Variants in MCC observed in about 807,000 individuals in gnomAD.
MCC encodes MCC regulator of Wnt signaling pathway, also known as colorectal mutant cancer protein.
MCC carries 90 observed loss-of-function variants against 116.2 expected under a neutral mutation model. The observed-to-expected ratio is 0.77, with a 90% confidence interval of 0.65 to 0.92. The LOEUF is 0.92. Among genes scored for constraint, MCC ranks in the 40% least tolerant of loss-of-function variants. MCC has a pLI of 0.00. For missense variants in MCC, 1,516 were observed against 1,312.2 expected (o/e 1.16, Z -2.40); for synonymous variants, 578 against 510.5 (o/e 1.13, Z -1.78).
At chr5:113,418,686 TATTATCATCATCATC>T (rs1770229291) in intron 1 of MCC, among the ~76,000 whole-genome samples, 1 of 101,040 alleles carries the variant, frequency 9.9e-6, no homozygotes, top group African/African-American at 4.4e-5. Flanking sequence ...TCTTCATCAT[TATTATCATCATCATC>T]ATCATCATCA....
chr5:113,456,104 T>A (rs164252), intron 1 of MCC, among the ~76,000 whole-genome samples: 131,844 of 152,192 alleles, frequency 0.87, 57,359 homozygotes, highest in East Asian at 0.97. Context: ...AATAAAACCG[T>A]ACCTGCCACC....
chr5:113,316,580 C>A (rs1477983061), intron 3 of MCC, among the ~76,000 whole-genome samples: 1 of 152,170 alleles, frequency 6.6e-6, no homozygotes, highest in African/African-American at 2.4e-5. Context: ...CACATGAGCC[C>A]TGGCACATCT....
intron 1 of MCC, chr5:113,433,404 T>C (rs1770727658): frequency 1.8e-6 from 1 of 555,550 alleles, no homozygotes; most frequent in South Asian, 1.7e-5. Flanking sequence ...GGTGCCTTCC[T>C]GCTGCTCTTC....
At chr5:113,186,914 C>T (rs552167705) in intron 3 of MCC, among the ~76,000 whole-genome samples, 5 of 152,290 alleles carry the variant, frequency 3.3e-5, no homozygotes, top group Non-Finnish European at 5.9e-5. Context: ...CTAGCATCTA[C>T]TGGGTAGAGC....
In MCC at chr5:113,313,205, G is replaced by C. The variant is rs1041107993; in HGVS notation, c.627+27314C>G. Among the ~76,000 whole-genome samples, 8 of 152,134 alleles carry C rather than the reference G, an allele frequency of 5.3e-5. No homozygotes were observed. The South Asian group carries it at 1.7e-3, about 32-fold the overall frequency. Reference sequence around the variant, plus strand: ...ACTAAAAATACCAAAAAATTAGCTGGGTGTGGTGGTGCGCACCTATAATCC... The same window carrying C: ...ACTAAAAATACCAAAAAATTAGCTGCGTGTGGTGGTGCGCACCTATAATCC... On this transcript the variant is annotated intron_variant, in intron 3 of 18. Transcript: ENST00000408903.
chr5:113,118,762 G>A (rs1757543550), intron 6 of MCC, among the ~76,000 whole-genome samples: 1 of 151,922 alleles, frequency 6.6e-6, no homozygotes, highest in Admixed American at 6.5e-5. Flanking sequence ...ATTGGAAAAT[G>A]GCGAAGGAAT....
chr5:113,278,106 C>T (rs10072454), intron 3 of MCC, among the ~76,000 whole-genome samples: 1,632 of 152,320 alleles, frequency 0.011, 31 homozygotes, highest in African/African-American at 0.036. Flanking sequence ...CTCCAACAGC[C>T]ATGACAACAT....
At chr5:113,247,204 A>G (rs1007739885) in intron 3 of MCC, among the ~76,000 whole-genome samples, 1 of 152,242 alleles carries the variant, frequency 6.6e-6, no homozygotes, top group African/African-American at 2.4e-5. Flanking sequence ...AAAATCCTAC[A>G]GGAATCCAGA....
intron 1 of MCC, among the ~76,000 whole-genome samples, chr5:113,483,038 G>C (rs529198569): frequency 2.6e-5 from 4 of 151,974 alleles, no homozygotes; most frequent in African/African-American, 9.7e-5. Flanking sequence ...CTTGACCTTG[G>C]CATTCTTAAT....
At chr5:113,379,166 T>C (rs1209851730) in intron 2 of MCC, among the ~76,000 whole-genome samples, 3 of 152,178 alleles carry the variant, frequency 2.0e-5, no homozygotes, top group Non-Finnish European at 2.9e-5. Context: ...TTATTTTCAG[T>C]TTGCACTTTG....
At chr5:113,376,200 C>T (rs1407044524) in intron 2 of MCC, among the ~76,000 whole-genome samples, 1 of 152,156 alleles carries the variant, frequency 6.6e-6, no homozygotes, top group Non-Finnish European at 1.5e-5. Context: ...AATAACTGTA[C>T]CTTGAACAAA....
Position 113,090,369 on chromosome 5 carries a change from A to AT in MCC, c.1399-5060_1399-5059insA, listed in dbSNP as rs578047188. Among the ~76,000 whole-genome samples the AT allele has an allele frequency of 1.4e-3, 213 of 147,994 alleles. 1 individual carries two copies. Among genetic ancestry groups the AT allele is most frequent in the African/African-American group, 5.1e-3 (200 of 39,528 alleles). The stretch of plus-strand genomic sequence containing the variant: ...CTAGGACCAAAAAAGAAAAAAAAAA[A>AT]GGAAGCTTACACAGCAGCACTGACA... On this transcript the variant is annotated intron_variant, in intron 8 of 18. Coordinates refer to ENST00000408903, the MANE Select transcript of MCC (RefSeq NM_001085377.2).
intron 2 of MCC, among the ~76,000 whole-genome samples, chr5:113,381,130 T>C (rs1219058769): frequency 6.6e-6 from 1 of 152,106 alleles, no homozygotes; most frequent in Non-Finnish European, 1.5e-5. Flanking sequence ...AGGCAAGATA[T>C]GATGGTGATT....
chr5:113,391,991 A>C (rs1011311512), intron 1 of MCC, among the ~76,000 whole-genome samples: 3 of 152,204 alleles, frequency 2.0e-5, no homozygotes, highest in Non-Finnish European at 4.4e-5. Context: ...ATAGATTATT[A>C]ATGTAATTTG....
At position 113,434,691 on chromosome 5, in the gene MCC, G is replaced by A. The variant is rs1356791051; in HGVS notation, c.171-49479C>T. On this transcript the variant is annotated intron_variant, in intron 1 of 18. Transcript: ENST00000408903. This position sits in a 1 kb window ranked among gnomAD's most constrained non-coding sequence, Gnocchi z 4.2. ...GGGAAGGAATTTCTCCAAGAAGTCT[G>A]CGGGGGCCTTCTTGCGGTCGATGAT... 5.0e-6 allele frequency: 8 copies of A among 1,613,920 alleles called. No individual in the cohort carries two copies. Among genetic ancestry groups the A allele is most frequent in the African/African-American group, 1.3e-5 (1 of 74,924 alleles).
chr5:113,296,780 T>G (rs961931787), intron 3 of MCC, among the ~76,000 whole-genome samples: 1 of 152,180 alleles, frequency 6.6e-6, no homozygotes, highest in Non-Finnish European at 1.5e-5. Flanking sequence ...TCCAGTAGAT[T>G]TAAATCACAC....
intron 3 of MCC, among the ~76,000 whole-genome samples, chr5:113,192,518 T>C (rs1416280779): frequency 1.3e-5 from 2 of 152,254 alleles, no homozygotes; most frequent in Non-Finnish European, 2.9e-5. Context: ...TGTACTTGTA[T>C]ATGTGGATTA....
Position 113,232,634 on chromosome 5 carries a change from A to T in MCC, c.628-81212T>A, listed in dbSNP as rs574144007. Among the ~76,000 whole-genome samples, 88 of 152,192 alleles carry T rather than the reference A, an allele frequency of 5.8e-4. 1 individual carries two copies. The highest frequency in any genetic ancestry group is 1.0e-3 in the Non-Finnish European group (71 of 68,036). The stretch of plus-strand genomic sequence containing the variant: ...CATCAATGTACCAACACTTCAAAAA[A>T]CCTTTAATGGAAAGTACTTTGAAAA... On this transcript the variant is annotated intron_variant, in intron 3 of 18. Transcript: ENST00000408903.
intron 3 of MCC, among the ~76,000 whole-genome samples, chr5:113,200,854 G>C (rs1361669775): frequency 6.6e-6 from 1 of 152,188 alleles, no homozygotes; most frequent in Non-Finnish European, 1.5e-5. Flanking sequence ...CTGGTGCTGT[G>C]CCAGAAGCAA....
Sources: gnomAD v4.1 joint callset for allele counts (sites outside exome capture counted in the v4.1 genomes callset) on GRCh38, gnomAD v4.1.1 for gene constraint, Gnocchi (gnomAD v3.1) non-coding constraint, MANE v1.5 for transcripts, NCBI Gene and HGNC (gene_info 2026-07-23, HGNC 2026-07-21) for gene names.